Variants in FAT1 observed in about 807,000 individuals in gnomAD.
FAT1 encodes the protein protocadherin Fat 1.
Under a neutral mutation model 329.8 loss-of-function variants are expected in FAT1, and 171 were observed. The ratio of observed to expected loss-of-function variants is 0.52; its 90% CI spans 0.46 to 0.59. FAT1 has a LOEUF of 0.59. Among genes scored for constraint, FAT1 ranks in the 20% least tolerant of loss-of-function variants. The pLI is 0.00. For synonymous variants in FAT1, 2,233 were observed against 2,228.6 expected, an observed-to-expected ratio of 1.00 and a Z score of -0.06; for missense variants, 5,672 against 5,774.4, an observed-to-expected ratio of 0.98 and a Z score of 0.57.
At chr4:186,703,836 C>T (rs1032035194) in intron 2 of FAT1, among the ~76,000 whole-genome samples, 4 of 152,230 alleles carry the variant, frequency 2.6e-5, no homozygotes, top group African/African-American at 9.6e-5. Context: ...TCCACACTTC[C>T]TTCATGCCCT....
chr4:186,669,055 G>A (rs556371283), intron 2 of FAT1, among the ~76,000 whole-genome samples: 8 of 152,098 alleles, frequency 5.3e-5, no homozygotes, highest in African/African-American at 9.6e-5. Flanking sequence ...ACATATTCAC[G>A]ACCTCACCTT....
rs2126436343 is a variant in FAT1 at position 186,603,997 on chromosome 4, A to G, written c.10549-20T>C. 1 of 1,579,444 alleles carries G rather than the reference A, an allele frequency of 6.3e-7. No homozygotes were observed. Among genetic ancestry groups the G allele is most frequent in the Non-Finnish European group, 8.7e-7 (1 of 1,152,308 alleles). On this transcript the variant is annotated intron_variant, in intron 18 of 26. Transcript: ENST00000441802. ...TGCCACCTACAAGAAAAGAAAAATA[A>G]AATCACCTTTGTCTATGGCACTGTT...
intron 3 of FAT1, among the ~76,000 whole-genome samples, chr4:186,643,034 C>T (rs113451508): frequency 0.013 from 1,917 of 152,264 alleles, 42 homozygotes; most frequent in African/African-American, 0.044. Flanking sequence ...AGAGAGAAGA[C>T]GAAGATGTAG....
chr4:186,681,829 C>T (rs775771950), intron 2 of FAT1, among the ~76,000 whole-genome samples: 53 of 152,150 alleles, frequency 3.5e-4, no homozygotes, highest in Non-Finnish European at 7.3e-4. Flanking sequence ...ACAATAAAAA[C>T]CAGGAAAAGT....
At chr4:186,724,414 C>T (rs1376821604), upstream of FAT1, among the ~76,000 whole-genome samples, 1 of 152,158 alleles carries the variant, frequency 6.6e-6, no homozygotes. This position sits in a 1 kb window ranked among gnomAD's most constrained non-coding sequence, Gnocchi z 5.3. Flanking sequence ...ACGCTTCCCC[C>T]GCGACCTTTT....
chr4:186,613,921 G>GT (rs34305174), intron 12 of FAT1, among the ~76,000 whole-genome samples: 2 of 150,322 alleles, frequency 1.3e-5, no homozygotes, highest in African/African-American at 5.0e-5. Context: ...TCTGAGGGTT[G>GT]TTTTTTTTAA....
intron 2 of FAT1, among the ~76,000 whole-genome samples, chr4:186,672,523 T>C (rs763608503): frequency 3.9e-5 from 6 of 152,300 alleles, no homozygotes; most frequent in Admixed American, 1.3e-4. Context: ...CATTTGTATT[T>C]TGAGCAAACT....
chr4:186,637,564 G>A (rs550525596), intron 4 of FAT1, among the ~76,000 whole-genome samples: 1 of 152,220 alleles, frequency 6.6e-6, no homozygotes, highest in East Asian at 1.9e-4. Flanking sequence ...TTCATTTTAA[G>A]TAAACTATCC....
In FAT1 at chr4:186,620,282, A is replaced by G. The variant is rs2126514127; in HGVS notation, c.6304T>C (p.Tyr2102His). The G allele has an allele frequency of 6.2e-7, 1 of 1,614,032 alleles. No individual in the cohort carries two copies. Among genetic ancestry groups the G allele is most frequent in the South Asian group, 1.1e-5 (1 of 91,082 alleles). Reference sequence around the variant, plus strand: ...CTGTCTCTGTCTACAGCAGTGACATAGCGAATGACATGGCCCACCTCAGTG... The same window carrying G: ...CTGTCTCTGTCTACAGCAGTGACATGGCGAATGACATGGCCCACCTCAGTG... ...VDTEVGHVIRYVTAVDRDSGR... is the reference protein window; with the variant it reads ...VDTEVGHVIRHVTAVDRDSGR... Residue 2102 changes from tyrosine to histidine, a missense_variant, in exon 10 of 27, where the codon TAT becomes CAT. Physicochemically the swap from Tyr to His is moderately conservative, Grantham distance 83. Coordinates refer to ENST00000441802, the MANE Select transcript of FAT1 (RefSeq NM_005245.4).
At chr4:186,629,288 G>A (rs1269484016) in intron 7 of FAT1, among the ~76,000 whole-genome samples, 2 of 152,070 alleles carry the variant, frequency 1.3e-5, no homozygotes, top group African/African-American at 4.8e-5. Flanking sequence ...AATGTGTTTA[G>A]AAATCACTGT....
At chr4:186,720,103 C>T (rs1745396832) in intron 1 of FAT1, among the ~76,000 whole-genome samples, 1 of 152,218 alleles carries the variant, frequency 6.6e-6, no homozygotes, top group African/African-American at 2.4e-5. Context: ...GCAACAAGTT[C>T]AGTAACCAAG....
At chr4:186,612,951 T>A (rs1739521723) in intron 13 of FAT1, among the ~76,000 whole-genome samples, 158 bp downstream of exon 13, 1 of 152,072 alleles carries the variant, frequency 6.6e-6, no homozygotes, top group South Asian at 2.1e-4. Context: ...TCATTAAAAA[T>A]TAATTAATTA....
At chr4:186,675,002 C>T (rs1742889211) in intron 2 of FAT1, among the ~76,000 whole-genome samples, 1 of 152,140 alleles carries the variant, frequency 6.6e-6, no homozygotes. Context: ...CTGCTGTACT[C>T]AAGCCTGGGC....
chr4:186,635,204 A>T (rs1740769803), intron 6 of FAT1, among the ~76,000 whole-genome samples: 1 of 152,194 alleles, frequency 6.6e-6, no homozygotes, highest in South Asian at 2.1e-4. Context: ...TAGCATGACT[A>T]AGGGGCAGAA....
At chr4:186,622,547 A>G (rs1560945462) in intron 9 of FAT1, among the ~76,000 whole-genome samples, 1 of 152,230 alleles carries the variant, frequency 6.6e-6, no homozygotes, top group Non-Finnish European at 1.5e-5. Context: ...TCCAAATGTC[A>G]GCAGTGCTGA....
chr4:186,672,872 G>A (rs890696294), intron 2 of FAT1, among the ~76,000 whole-genome samples: 2 of 152,152 alleles, frequency 1.3e-5, no homozygotes, highest in Non-Finnish European at 2.9e-5. Flanking sequence ...GAGAAGTTGT[G>A]ACTTGAATGC....
chr4:186,653,244 C>T (rs1388297), intron 3 of FAT1, among the ~76,000 whole-genome samples: 48,057 of 151,914 alleles, frequency 0.32, 8,355 homozygotes, highest in Middle Eastern at 0.41. Flanking sequence ...AGTAGGAAAA[C>T]CTCAAAATCT....
chr4:186,702,730 C>T (rs1006795607), intron 2 of FAT1, among the ~76,000 whole-genome samples: 1 of 152,204 alleles, frequency 6.6e-6, no homozygotes, highest in Non-Finnish European at 1.5e-5. Context: ...TTATTCCACA[C>T]ACCCACAAGA....
rs375324376 is a variant in FAT1, at chr4:186,589,045, G to C, written c.13314C>G (p.Pro4438=). 1 of 1,613,960 alleles carries C rather than the reference G, an allele frequency of 6.2e-7. No individual in the cohort carries two copies. The highest frequency in any genetic ancestry group is 1.1e-5 in the South Asian group (1 of 91,080). The change falls in exon 27 of 27, where the codon CCC becomes CCG. Residue 4438 remains proline (P), a synonymous_variant. Transcript: ENST00000441802. ...GYDIESDFPP[P]PEDFPAADEL... is the part of the protein sequence containing the mutation. ...CATCAGCTGCGGGGAAGTCTTCTGG[G>C]GGTGGAGGAAAATCACTTTCGATGT... is the stretch of plus-strand genomic sequence containing the variant.
Sources: gnomAD v4.1 joint callset for allele counts (sites outside exome capture counted in the v4.1 genomes callset) on GRCh38, gnomAD v4.1.1 for gene constraint, Gnocchi (gnomAD v3.1) non-coding constraint, MANE v1.5 for transcripts, NCBI Gene and HGNC (gene_info 2026-07-23, HGNC 2026-07-21) for gene names.